Variants in DPYD observed in about 807,000 individuals in gnomAD.
DPYD encodes dihydropyrimidine dehydrogenase [NADP(+)].
In DPYD, 109 loss-of-function variants were observed where a neutral mutation model predicts 116.2. That is an observed-to-expected ratio of 0.94 (90% CI 0.80 to 1.10). The LOEUF (loss-of-function observed/expected upper bound fraction) is 1.10, where lower values mean the gene tolerates loss of function less well. DPYD is among the 50% of genes least tolerant of loss of function. DPYD has a pLI of 0.00. For missense variants in DPYD, 1,302 were observed against 1,254.5 expected, an observed-to-expected ratio of 1.04 and a Z score of -0.57; for synonymous variants, 440 against 432.0, an observed-to-expected ratio of 1.02 and a Z score of -0.23.
chr1:97,707,120 GT>G (rs972775643), intron 5 of DPYD, among the ~76,000 whole-genome samples: 4 of 151,826 alleles, frequency 2.6e-5, no homozygotes, highest in African/African-American at 7.3e-5. Flanking sequence ...GAAAGGTGGG[GT>G]TTTTAAAAAG....
chr1:97,141,557 C>T (rs147269863), intron 20 of DPYD, among the ~76,000 whole-genome samples: 10 of 152,268 alleles, frequency 6.6e-5, no homozygotes, highest in Non-Finnish European at 1.3e-4. Context: ...TAAAATGCAA[C>T]CTGTCTCCTG....
At position 97,412,077 on chromosome 1, in the gene DPYD, A is replaced by G. The variant is rs117786811; in HGVS notation, c.1906-29616T>C. ...ACCTCATTAAGCATACCGGGAGGAA[A>G]ATTCCCCAATTTCTTCAATTCAACT... is the stretch of plus-strand genomic sequence containing the variant. On this transcript the variant is annotated intron_variant, in intron 14 of 22. Coordinates refer to ENST00000370192, the MANE Select transcript of DPYD (RefSeq NM_000110.4). 1.0e-3 allele frequency among the ~76,000 whole-genome samples: 155 copies of G among 152,294 alleles called. 3 individuals carry two copies. In the East Asian group the frequency reaches 0.024, roughly 24 times the overall value.
intron 8 of DPYD, among the ~76,000 whole-genome samples, chr1:97,613,832 C>T (rs1325506344): frequency 6.6e-6 from 1 of 151,990 alleles, no homozygotes; most frequent in Admixed American, 6.6e-5. Context: ...GCAGTAGCTA[C>T]AGAGATCATA....
chr1:97,785,086 G>A (rs926810934), intron 3 of DPYD, among the ~76,000 whole-genome samples: 4 of 152,056 alleles, frequency 2.6e-5, no homozygotes, highest in Non-Finnish European at 5.9e-5. Flanking sequence ...TTCACATCCT[G>A]TTGTTTAGTA....
chr1:97,792,103 A>G (rs1418432065), intron 3 of DPYD, among the ~76,000 whole-genome samples: 1 of 152,196 alleles, frequency 6.6e-6, no homozygotes, highest in Admixed American at 6.5e-5. Flanking sequence ...ATAATGCAGT[A>G]CCGAGTGAAG....
At chr1:97,201,284 C>T (rs997287728) in intron 19 of DPYD, among the ~76,000 whole-genome samples, 7 of 152,110 alleles carry the variant, frequency 4.6e-5, no homozygotes, top group South Asian at 2.1e-4. Flanking sequence ...CTCCTGTTTT[C>T]GGATGTTATG....
chr1:97,237,592 T>C lies in DPYD; in HGVS notation c.2300-2598A>G, dbSNP rs527724485. Among the ~76,000 whole-genome samples the C allele has an allele frequency of 4.6e-5, 7 of 152,328 alleles. No individual in the cohort carries two copies. The South Asian group carries it at 1.4e-3, about 32-fold the overall frequency. On this transcript the variant is annotated intron_variant, in intron 18 of 22. Coordinates refer to ENST00000370192, the MANE Select transcript of DPYD (RefSeq NM_000110.4). ...TTTTATGTTTTAACCATAAAAAGGC[T>C]AATAGTGGACAGAATTTATAGTGAG...
chr1:97,814,040 T>C (rs964169190), intron 3 of DPYD, among the ~76,000 whole-genome samples: 41 of 152,232 alleles, frequency 2.7e-4, no homozygotes, highest in Admixed American at 2.2e-3. Flanking sequence ...TTGTGCCATA[T>C]GCCCAAATTA....
intron 8 of DPYD, among the ~76,000 whole-genome samples, chr1:97,612,068 G>T (rs2100750009): frequency 6.6e-6 from 1 of 152,062 alleles, no homozygotes; most frequent in African/African-American, 2.4e-5. Context: ...CAAATATTTA[G>T]GATGTATCCT....
intron 5 of DPYD, among the ~76,000 whole-genome samples, chr1:97,701,153 T>C (rs556744481): frequency 6.7e-6 from 1 of 148,626 alleles, no homozygotes; most frequent in Non-Finnish European, 1.5e-5. Context: ...GAAAAAGTTA[T>C]ACAAAGCAAA....
At chr1:97,785,134 A>C (rs1301670793) in intron 3 of DPYD, among the ~76,000 whole-genome samples, 1 of 152,194 alleles carries the variant, frequency 6.6e-6, no homozygotes, top group Non-Finnish European at 1.5e-5. Context: ...ACAAACTTTT[A>C]TTTGTAGAAA....
At position 97,134,010 on chromosome 1, in the gene DPYD, AAAAAATATATATATATATATATAT is replaced by A. The variant is rs1391428520; in HGVS notation, c.2623-35402_2623-35379del. Reference sequence around the variant, plus strand: ...CCAGACTCTGTTTCAAAAAAAAAAAAAAAAATATATATATATATATATATATATATATATATATATATATATATA... The same window carrying A: ...CCAGACTCTGTTTCAAAAAAAAAAAAATATATATATATATATATATATATA... On this transcript the variant is annotated intron_variant, in intron 20 of 22. Coordinates refer to ENST00000370192, the MANE Select transcript of DPYD (RefSeq NM_000110.4). Among the ~76,000 whole-genome samples, 35 of 36,958 alleles carry A rather than the reference AAAAAATATATATATATATATATAT, an allele frequency of 9.5e-4. 2 individuals are homozygous for A. Among genetic ancestry groups the A allele is most frequent in the Non-Finnish European group, 1.5e-3 (32 of 21,806 alleles). 24.2% of individuals were successfully genotyped at this position (36,958 alleles called of 152,430 possible).
At chr1:97,896,611 C>A (rs1353045678) in intron 1 of DPYD, among the ~76,000 whole-genome samples, 2 of 151,700 alleles carry the variant, frequency 1.3e-5, no homozygotes, top group Non-Finnish European at 2.9e-5. Flanking sequence ...TTTTAGTATA[C>A]CTACAAAGCT....
At chr1:97,376,865 T>TTGTGTGTGTGTG (rs66598688) in intron 15 of DPYD, among the ~76,000 whole-genome samples, 9 of 134,686 alleles carry the variant, frequency 6.7e-5, no homozygotes, top group African/African-American at 1.6e-4. Context: ...AAGAGAGAGT[T>TTGTGTGTGTGTG]TGTGTGTGTG....
At chr1:97,860,899 T>TA (rs932455661) in intron 2 of DPYD, among the ~76,000 whole-genome samples, 4 of 152,082 alleles carry the variant, frequency 2.6e-5, no homozygotes, top group African/African-American at 9.6e-5. Context: ...AGGAGGGACT[T>TA]AAAAAAGAGA....
intron 1 of DPYD, among the ~76,000 whole-genome samples, chr1:97,908,401 A>G (rs1334711190): frequency 6.6e-6 from 1 of 151,810 alleles, no homozygotes; most frequent in Non-Finnish European, 1.5e-5. Context: ...TCTACTCCCT[A>G]TAACTCAGTG....
At chr1:97,108,613 A>C (rs779082332) in intron 20 of DPYD, among the ~76,000 whole-genome samples, 10 of 152,170 alleles carry the variant, frequency 6.6e-5, no homozygotes, top group Non-Finnish European at 1.0e-4. Context: ...GGTAAAACTA[A>C]AGATATTGTA....
intron 18 of DPYD, among the ~76,000 whole-genome samples, chr1:97,304,771 C>G (rs201058233): frequency 6.6e-6 from 1 of 151,900 alleles, no homozygotes; most frequent in East Asian, 1.9e-4. Flanking sequence ...AAAGAGCGTG[C>G]AAAGGTGTGA....
chr1:97,160,361 A>G (rs1169829265), intron 20 of DPYD, among the ~76,000 whole-genome samples: 3 of 69,278 alleles, frequency 4.3e-5, no homozygotes, highest in Non-Finnish European at 8.3e-5. Flanking sequence ...GCTCTCCATA[A>G]TAGAATGTTG....
Sources: allele counts gnomAD v4.1 joint callset (sites outside exome capture counted in the v4.1 genomes callset), GRCh38; gene constraint gnomAD v4.1.1; transcripts MANE v1.5; gene names NCBI Gene and HGNC (gene_info 2026-07-23, HGNC 2026-07-21).